AKT3: variants seen among roughly 807,000 people sequenced by gnomAD.
AKT3 encodes RAC-gamma serine/threonine-protein kinase.
AKT3 carries 15 observed loss-of-function variants against 65.3 expected under a neutral mutation model. The ratio of observed to expected loss-of-function variants is 0.23; its 90% CI spans 0.15 to 0.35. The LOEUF is 0.35. AKT3 is among the 10% of genes least tolerant of loss of function. The probability of loss-of-function intolerance (pLI) is 1.00; values close to 1 mark genes in which losing one functional copy is unlikely to be tolerated. For synonymous variants in AKT3, 206 were observed against 183.8 expected (o/e 1.12, Z -0.98); for missense variants, 243 against 576.5 (o/e 0.42, Z 5.92).
chr1:243,579,923 A>G, intron 8 of AKT3, among the ~76,000 whole-genome samples: 1 of 152,354 alleles, frequency 6.6e-6, no homozygotes, highest in South Asian at 2.1e-4. Flanking sequence ...AATAAAATTT[A>G]TATGTATTAG....
intron 11 of AKT3, among the ~76,000 whole-genome samples, chr1:243,549,295 T>G (rs965983325): frequency 1.2e-4 from 19 of 152,192 alleles, no homozygotes; most frequent in African/African-American, 4.6e-4. Flanking sequence ...TGTCTGTTAA[T>G]CACCCTAGCT....
rs1275810786 is a variant in AKT3, at chr1:243,504,672, T to A, written c.*577A>T. 8 of 177,696 alleles carry A rather than the reference T, an allele frequency of 4.5e-5. No individual in the cohort carries two copies. Among genetic ancestry groups the A allele is most frequent in the Non-Finnish European group, 9.6e-5 (8 of 83,004 alleles). The allele number at this position is 177,696 out of a possible 1,614,324, so 11.0% of individuals were successfully genotyped here. The stretch of plus-strand genomic sequence containing the variant: ...TATATATATCCCAACAGTTGTTCAG[T>A]CCTTCTACCAAATGCTTCCTAATCA... On this transcript the variant is annotated 3_prime_UTR_variant, in exon 14 of 14. Coordinates refer to ENST00000673466, the MANE Select transcript of AKT3 (RefSeq NM_005465.7).
intron 5 of AKT3, among the ~76,000 whole-genome samples, chr1:243,641,248 A>ATGTG (rs1013505296): frequency 1.1e-5 from 1 of 89,992 alleles, no homozygotes; most frequent in Non-Finnish European, 2.4e-5. Context: ...CTCCATATAT[A>ATGTG]TGTGTGTGTG....
chr1:243,700,171 CTCAT>C (rs1685355759), intron 2 of AKT3, among the ~76,000 whole-genome samples: 1 of 152,340 alleles, frequency 6.6e-6, no homozygotes, highest in African/African-American at 2.4e-5. Context: ...CTACTACTTA[CTCAT>C]TGAGTTCTTG....
At chr1:243,592,462 A>G (rs1676302840) in intron 8 of AKT3, among the ~76,000 whole-genome samples, 1 of 152,238 alleles carries the variant, frequency 6.6e-6, no homozygotes. Context: ...AAAGCTTAAC[A>G]GCGACCACAG....
At chr1:243,636,791 T>C (rs1680006404) in intron 6 of AKT3, among the ~76,000 whole-genome samples, 1 of 152,034 alleles carries the variant, frequency 6.6e-6, no homozygotes, top group Non-Finnish European at 1.5e-5. Flanking sequence ...AACCTAGGTG[T>C]GTATGATTCC....
At chr1:243,828,012 G>A (rs941727424) in intron 2 of AKT3, among the ~76,000 whole-genome samples, 1 of 151,908 alleles carries the variant, frequency 6.6e-6, no homozygotes. Context: ...TTTGAGTTCC[G>A]GTCAGCATCA....
intron 8 of AKT3, among the ~76,000 whole-genome samples, chr1:243,578,379 T>C (rs115753893): frequency 0.022 from 3,370 of 152,278 alleles, 52 homozygotes; most frequent in Non-Finnish European, 0.035. Flanking sequence ...TCATGTCCTC[T>C]GCAGGGACAT....
chr1:243,613,851 T>A, intron 7 of AKT3, 112 bp from the exon 8 acceptor site: 1 of 595,308 alleles, frequency 1.7e-6, no homozygotes, highest in Non-Finnish European at 2.7e-6. Context: ...TGAAAAGAAT[T>A]GTTATTGTTT....
intron 4 of AKT3, among the ~76,000 whole-genome samples, chr1:243,657,772 T>C (rs1279810390): frequency 2.0e-5 from 3 of 152,128 alleles, no homozygotes; most frequent in Non-Finnish European, 2.9e-5. Flanking sequence ...TAAAACAGAT[T>C]GGTACTGGCA....
intron 4 of AKT3, 60 bp from the exon 5 acceptor site, chr1:243,646,097 CT>C: frequency 7.2e-7 from 1 of 1,392,296 alleles, no homozygotes; most frequent in Non-Finnish European, 9.7e-7. Context: ...AAATATTTTC[CT>C]TTTATAAACT....
chr1:243,616,491 T>C (rs1315042540), intron 6 of AKT3, among the ~76,000 whole-genome samples: 1 of 152,102 alleles, frequency 6.6e-6, no homozygotes. Context: ...CTGGAGATAA[T>C]GTTTCATATT....
chr1:243,507,059 C>T (rs1442602068), intron 13 of AKT3, among the ~76,000 whole-genome samples: 2 of 152,248 alleles, frequency 1.3e-5, no homozygotes, highest in African/African-American at 4.8e-5. Flanking sequence ...CAATTTTCCT[C>T]ACCAACAGCT....
rs148332912 is a variant in AKT3 at position 243,505,273 on chromosome 1, G to A, written c.1416C>T (p.Ser472=). The change falls in exon 14 of 14, where the codon TCC becomes TCT. Residue 472 remains serine (S), a synonymous_variant. Transcript: ENST00000673466. The part of the protein sequence containing the change: ...NERRPHFPQF[S]YSASGRE ...CTTATTCTCGTCCACTTGCAGAGTA[G>A]GAAAATTGAGGGAAATGCGGCCGCC... is the stretch of plus-strand genomic sequence containing the variant. 6.2e-7 allele frequency: 1 copy of A among 1,614,060 alleles called. No individual in the cohort carries two copies. Among genetic ancestry groups the A allele is most frequent in the Non-Finnish European group, 8.5e-7 (1 of 1,179,936 alleles).
At chr1:243,653,064 T>C (rs942932013) in intron 4 of AKT3, among the ~76,000 whole-genome samples, 6 of 151,094 alleles carry the variant, frequency 4.0e-5, no homozygotes, top group Non-Finnish European at 8.8e-5. Context: ...ATCCAGGAGC[T>C]GGTTTTTTGA....
intron 2 of AKT3, among the ~76,000 whole-genome samples, chr1:243,770,978 G>A (rs78311440): frequency 0.022 from 3,408 of 152,132 alleles, 124 homozygotes; most frequent in African/African-American, 0.078. Flanking sequence ...AAAGATATAT[G>A]GGGGGAGGAG....
chr1:243,844,631 T>C (rs115723872), intron 1 of AKT3, among the ~76,000 whole-genome samples: 3 of 152,128 alleles, frequency 2.0e-5, no homozygotes, highest in African/African-American at 7.2e-5. Context: ...GGCATCACCA[T>C]GCCTAGCTAA....
chr1:243,695,228 C>G (rs1684986499), intron 3 of AKT3, among the ~76,000 whole-genome samples: 1 of 151,922 alleles, frequency 6.6e-6, no homozygotes, highest in Non-Finnish European at 1.5e-5. Flanking sequence ...AAGATTATGA[C>G]AGGAAACTGA....
At chr1:243,489,940 G>C (rs1181115436) in intron 13 of AKT3, among the ~76,000 whole-genome samples, 1 of 152,200 alleles carries the variant, frequency 6.6e-6, no homozygotes, top group Non-Finnish European at 1.5e-5. Context: ...CTGTCAGAGA[G>C]GCTGTGCATT....
Sources: allele counts gnomAD v4.1 joint callset (sites outside exome capture counted in the v4.1 genomes callset), GRCh38; gene constraint gnomAD v4.1.1; transcripts MANE v1.5; gene names NCBI Gene and HGNC (gene_info 2026-07-23, HGNC 2026-07-21).